Variants in DPP10 observed in about 807,000 individuals in gnomAD.
DPP10 encodes the protein dipeptidyl peptidase like 10.
In DPP10, 33 loss-of-function variants were observed where a neutral mutation model predicts 120.9. That is an observed-to-expected ratio of 0.27 (90% CI 0.21 to 0.37). DPP10 has a LOEUF of 0.37. Among genes scored for constraint, DPP10 ranks in the 10% least tolerant of loss-of-function variants. The pLI, the probability that DPP10 is intolerant of heterozygous loss-of-function variation, is 1.00. For synonymous variants in DPP10, 337 were observed against 326.1 expected, an observed-to-expected ratio of 1.03 and a Z score of -0.36; for missense variants, 816 against 942.8, an observed-to-expected ratio of 0.87 and a Z score of 1.76.
chr2:114,569,721 A>G (rs1412954615), intron 1 of DPP10, among the ~76,000 whole-genome samples: 1 of 152,156 alleles, frequency 6.6e-6, no homozygotes, highest in Non-Finnish European at 1.5e-5. Context: ...GAAGTGGGAA[A>G]ATGGTAAAGA....
intron 3 of DPP10, among the ~76,000 whole-genome samples, chr2:115,479,879 C>T (rs1404803448): frequency 6.6e-6 from 1 of 152,122 alleles, no homozygotes; most frequent in Non-Finnish European, 1.5e-5. Context: ...CTGACACTGA[C>T]AAGGCTGAAA....
rs1693412468 is a variant in DPP10, at chr2:114,899,949, G to C, written c.61-409290G>C. On this transcript the variant is annotated intron_variant, in intron 1 of 25. Coordinates refer to ENST00000410059, the MANE Select transcript of DPP10 (RefSeq NM_020868.6). The stretch of plus-strand genomic sequence containing the variant: ...CACTCCAGCCTGGGTGACAGAGCGA[G>C]ACTCCGTCTCAAAAAAACAAACAAA... 3.3e-5 allele frequency among the ~76,000 whole-genome samples: 5 copies of C among 152,342 alleles called. No individual in the cohort carries two copies. In the South Asian group the frequency reaches 8.3e-4, roughly 25 times the overall value.
At chr2:114,800,115 C>T (rs545151655) in intron 1 of DPP10, among the ~76,000 whole-genome samples, 2 of 152,220 alleles carry the variant, frequency 1.3e-5, no homozygotes, top group Admixed American at 1.3e-4. Flanking sequence ...GCGCAAGATT[C>T]GAACCACATG....
At chr2:115,210,351 G>C (rs899779382) in intron 1 of DPP10, among the ~76,000 whole-genome samples, 1 of 152,086 alleles carries the variant, frequency 6.6e-6, no homozygotes, top group Non-Finnish European at 1.5e-5. Flanking sequence ...GACATGAACT[G>C]ATCATTTTTT....
intron 3 of DPP10, among the ~76,000 whole-genome samples, chr2:115,438,936 T>C (rs34464355): frequency 1.5e-4 from 2 of 13,754 alleles, no homozygotes; most frequent in Non-Finnish European, 1.3e-4. Flanking sequence ...TGTGGAATAG[T>C]GGCTAAGATG....
At chr2:115,611,324 T>C (rs878955593) in intron 5 of DPP10, among the ~76,000 whole-genome samples, 3 of 152,190 alleles carry the variant, frequency 2.0e-5, no homozygotes, top group Non-Finnish European at 4.4e-5. Flanking sequence ...AATGAACATA[T>C]CAAAAAGTAA....
Position 115,768,412 on chromosome 2 carries a change from C to A in DPP10, c.1221+8C>A. 6.2e-7 allele frequency: 1 copy of A among 1,609,206 alleles called. No individual in the cohort carries two copies. Among genetic ancestry groups the A allele is most frequent in the Non-Finnish European group, 8.5e-7 (1 of 1,176,408 alleles). The stretch of plus-strand genomic sequence containing the variant: ...GCTATGTTCCTCATCCAGGTAAGTG[C>A]TGGCTTTTTTCCATGTTTTGATTTC... On this transcript the variant is annotated splice_region_variant and intron_variant, in intron 13 of 25. Transcript: ENST00000410059.
At chr2:115,612,896 G>T (rs542310929) in intron 5 of DPP10, among the ~76,000 whole-genome samples, 1 of 150,862 alleles carries the variant, frequency 6.6e-6, no homozygotes, top group Non-Finnish European at 1.5e-5. Flanking sequence ...TTTCAATCAC[G>T]ATAAAGTCAT....
chr2:114,852,384 G>A (rs1402734102), intron 1 of DPP10, among the ~76,000 whole-genome samples: 1 of 151,730 alleles, frequency 6.6e-6, no homozygotes, highest in Non-Finnish European at 1.5e-5. Context: ...ACAGACAGAG[G>A]GAAAATATTT....
At chr2:115,216,029 A>G (rs1408973248) in intron 1 of DPP10, among the ~76,000 whole-genome samples, 1 of 152,222 alleles carries the variant, frequency 6.6e-6, no homozygotes, top group Non-Finnish European at 1.5e-5. Flanking sequence ...GGAGGCCATT[A>G]TCTTAAGTGA....
At chr2:114,609,025 C>A (rs1475922518) in intron 1 of DPP10, among the ~76,000 whole-genome samples, 1 of 151,738 alleles carries the variant, frequency 6.6e-6, no homozygotes, top group Non-Finnish European at 1.5e-5. Context: ...TGTGCATATA[C>A]CCCAAGAATC....
At chr2:114,899,428 C>T (rs1044422142) in intron 1 of DPP10, among the ~76,000 whole-genome samples, 4 of 152,064 alleles carry the variant, frequency 2.6e-5, no homozygotes, top group Admixed American at 6.5e-5. Flanking sequence ...GTACCAGCAC[C>T]TCAGAAGCCC....
At chr2:115,151,642 C>A (rs899070110) in intron 1 of DPP10, among the ~76,000 whole-genome samples, 2 of 151,198 alleles carry the variant, frequency 1.3e-5, no homozygotes, top group African/African-American at 4.9e-5. Context: ...CTTCTGACCT[C>A]GTGATCCACC....
At chr2:115,399,890 T>G (rs2067942765) in intron 3 of DPP10, among the ~76,000 whole-genome samples, 1 of 151,978 alleles carries the variant, frequency 6.6e-6, no homozygotes, top group Non-Finnish European at 1.5e-5. Context: ...GGGTCATTTA[T>G]AAAGAAAAAA....
chr2:115,662,411 C>T (rs1293874571), intron 5 of DPP10, among the ~76,000 whole-genome samples: 1 of 146,924 alleles, frequency 6.8e-6, no homozygotes, highest in African/African-American at 2.6e-5. Context: ...CATAAGATAG[C>T]TCTATTTTTA....
At chr2:114,520,981 G>T (rs1420312491) in intron 1 of DPP10, among the ~76,000 whole-genome samples, 1 of 151,994 alleles carries the variant, frequency 6.6e-6, no homozygotes, top group Non-Finnish European at 1.5e-5. Context: ...CCCGATTCTT[G>T]GGCAGAACTC....
chr2:115,342,414 A>G (rs1232557797), intron 2 of DPP10, among the ~76,000 whole-genome samples: 3 of 152,068 alleles, frequency 2.0e-5, no homozygotes, highest in Admixed American at 1.3e-4. Flanking sequence ...GAGTTTCACC[A>G]TGTTGGCTAG....
At chr2:115,677,312 A>G (rs10209270) in intron 5 of DPP10, among the ~76,000 whole-genome samples, 7,995 of 152,256 alleles carry the variant, frequency 0.053, 702 homozygotes, top group African/African-American at 0.18. Flanking sequence ...TTAAATCAAT[A>G]TAGAAAATCA....
intron 1 of DPP10, among the ~76,000 whole-genome samples, chr2:114,482,876 T>C (rs1285208462): frequency 6.6e-6 from 1 of 152,170 alleles, no homozygotes; most frequent in Admixed American, 6.6e-5. Flanking sequence ...CCACAATAAC[T>C]TCAGTCACCA....
Sources: gnomAD v4.1 joint callset for allele counts (sites outside exome capture counted in the v4.1 genomes callset) on GRCh38, gnomAD v4.1.1 for gene constraint, MANE v1.5 for transcripts, NCBI Gene and HGNC (gene_info 2026-07-23, HGNC 2026-07-21) for gene names.